The following TSG101 variants were observed in gnomAD, a reference collection of about 807,000 sequenced individuals.
The protein encoded by TSG101 is tumor susceptibility gene 101 protein.
TSG101 carries 19 observed loss-of-function variants against 48.5 expected under a neutral mutation model. The observed-to-expected ratio is 0.39, with a 90% confidence interval of 0.27 to 0.58. The LOEUF (loss-of-function observed/expected upper bound fraction) is 0.58, where lower values mean the gene tolerates loss of function less well. Ranked by LOEUF, TSG101 falls within the 20% of genes least tolerant of loss-of-function variation. The pLI, the probability that TSG101 is intolerant of heterozygous loss-of-function variation, is 0.55. For synonymous variants in TSG101, 174 were observed against 169.4 expected (o/e 1.03, Z -0.21); for missense variants, 365 against 484.4 (o/e 0.75, Z 2.31).
chr11:18,510,700 A>G (rs982314578), intron 4 of TSG101, among the ~76,000 whole-genome samples: 1 of 152,144 alleles, frequency 6.6e-6, no homozygotes, highest in Non-Finnish European at 1.5e-5. Flanking sequence ...GGTCTATTCC[A>G]GTACTTTCCC....
chr11:18,518,037 A>G (rs143818714), intron 2 of TSG101, among the ~76,000 whole-genome samples: 1,888 of 152,336 alleles, frequency 0.012, 20 homozygotes, highest in Non-Finnish European at 0.019. Context: ...AAATGTATTT[A>G]TTCTTTTATA....
chr11:18,520,763 T>C (rs1049775122), intron 1 of TSG101, among the ~76,000 whole-genome samples: 9 of 152,194 alleles, frequency 5.9e-5, no homozygotes, highest in Admixed American at 2.0e-4. Flanking sequence ...CCAGGCGTGG[T>C]GGCTTACACT....
At chr11:18,482,570 T>C (rs1849557222) in intron 8 of TSG101, among the ~76,000 whole-genome samples, 1 of 152,256 alleles carries the variant, frequency 6.6e-6, no homozygotes, top group African/African-American at 2.4e-5. Context: ...ACTTCAATTA[T>C]GCTGATGCTT....
chr11:18,500,295 C>T (rs758190694), intron 7 of TSG101, among the ~76,000 whole-genome samples: 2 of 152,136 alleles, frequency 1.3e-5, no homozygotes, highest in Non-Finnish European at 2.9e-5. Context: ...TATGGGAGTA[C>T]AGGTATTCCT....
At chr11:18,526,662 C>G (rs998807660) in intron 1 of TSG101, 113 bp downstream of exon 1, 7 of 1,336,200 alleles carry the variant, frequency 5.2e-6, no homozygotes, top group Non-Finnish European at 7.1e-6. Flanking sequence ...AAGGACTGCA[C>G]CGGGGCTTCC....
At chr11:18,510,567 CAA>C (rs1436316177) in intron 4 of TSG101, among the ~76,000 whole-genome samples, 1 of 150,930 alleles carries the variant, frequency 6.6e-6, no homozygotes. Context: ...GATTTTCTCT[CAA>C]ATACCTATTG....
intron 4 of TSG101, among the ~76,000 whole-genome samples, chr11:18,512,912 G>A (rs547794149): frequency 6.6e-6 from 1 of 151,924 alleles, no homozygotes; most frequent in South Asian, 2.1e-4. Flanking sequence ...ATTTTTAGTA[G>A]AAATGGGATT....
intron 9 of TSG101, chr11:18,481,219 T>G (rs1360842965): frequency 1.1e-6 from 1 of 920,818 alleles, no homozygotes; most frequent in Non-Finnish European, 1.3e-6. Context: ...CCTGATACTT[T>G]GATGTGGGAA....
rs1209704343 is a variant in TSG101, at chr11:18,491,895, C to T, written c.641-7823G>A. The stretch of plus-strand genomic sequence containing the variant: ...CTCACTGAACATACAGATTAAAATA[C>T]GTCAGAGAGTGAGCTCTCTTTCACA... On this transcript the variant is annotated intron_variant, in intron 7 of 9. Transcript: ENST00000251968. Among the ~76,000 whole-genome samples the T allele has an allele frequency of 2.6e-5, 4 of 152,308 alleles. No homozygotes were observed. The South Asian group carries it at 6.2e-4, about 24-fold the overall frequency.
Position 18,480,507 on chromosome 11 carries a change from C to A in TSG101, c.*39G>T, listed in dbSNP as rs763471256. ...TACTGATAAAAGGAAGAGAAGAATACTTTAAGAAGAGCTCAACCTCCAGCT... is the reference window on the plus strand; with the variant it reads ...TACTGATAAAAGGAAGAGAAGAATAATTTAAGAAGAGCTCAACCTCCAGCT... On this transcript the variant is annotated 3_prime_UTR_variant, in exon 10 of 10. Transcript: ENST00000251968. 8 of 1,545,448 alleles carry A rather than the reference C, an allele frequency of 5.2e-6. No homozygotes were observed. Among genetic ancestry groups the A allele is most frequent in the African/African-American group, 1.4e-5 (1 of 73,474 alleles).
chr11:18,521,537 T>A (rs1177702690), intron 1 of TSG101, among the ~76,000 whole-genome samples: 3 of 151,138 alleles, frequency 2.0e-5, no homozygotes, highest in Admixed American at 6.6e-5. Flanking sequence ...CCTGGATAAT[T>A]TTTAAATTTT....
chr11:18,512,965 T>C (rs1352383005), intron 4 of TSG101, among the ~76,000 whole-genome samples: 1 of 151,954 alleles, frequency 6.6e-6, no homozygotes, highest in African/African-American at 2.4e-5. Context: ...TGGCCTCAAG[T>C]GATCCTCCCG....
chr11:18,492,636 G>A (rs964201225), intron 7 of TSG101, among the ~76,000 whole-genome samples: 3 of 151,904 alleles, frequency 2.0e-5, no homozygotes, highest in African/African-American at 7.3e-5. Context: ...GGCAGCAGTC[G>A]CTTGGCCTAT....
chr11:18,490,482 G>C (rs1849682431), intron 7 of TSG101: 1 of 505,854 alleles, frequency 2.0e-6, no homozygotes, highest in Non-Finnish European at 3.8e-6. Flanking sequence ...TGGATGTGTA[G>C]GCTGCATTTC....
chr11:18,507,613 G>A (rs1198102211), intron 5 of TSG101: 1 of 151,566 alleles, frequency 6.6e-6, no homozygotes, highest in East Asian at 1.9e-4. Context: ...TCAACATAGA[G>A]GAAGAAAAAG....
At chr11:18,525,247 G>C (rs137990012) in intron 1 of TSG101, among the ~76,000 whole-genome samples, 1 of 152,148 alleles carries the variant, frequency 6.6e-6, no homozygotes, top group Non-Finnish European at 1.5e-5. Context: ...TCAATTTAAA[G>C]ATCAAAAATG....
intron 7 of TSG101, among the ~76,000 whole-genome samples, chr11:18,495,128 CTTGT>C (rs1310577325): frequency 1.3e-5 from 2 of 152,112 alleles, no homozygotes; most frequent in Non-Finnish European, 2.9e-5. Context: ...GTTTCTGATC[CTTGT>C]TTATTTGATT....
At chr11:18,511,284 A>G (rs1033895499) in intron 4 of TSG101, 9 of 152,196 alleles carry the variant, frequency 5.9e-5, no homozygotes, top group Non-Finnish European at 1.3e-4. Context: ...ACTTCTTTTA[A>G]TACTCCTGAC....
intron 6 of TSG101, among the ~76,000 whole-genome samples, chr11:18,506,044 T>C (rs898259692): frequency 1.3e-5 from 2 of 152,148 alleles, no homozygotes. Flanking sequence ...CTCGAACTCC[T>C]GACCTCAGGA....
Sources: allele counts gnomAD v4.1 joint callset (sites outside exome capture counted in the v4.1 genomes callset), GRCh38; gene constraint gnomAD v4.1.1; transcripts MANE v1.5; gene names NCBI Gene and HGNC (gene_info 2026-07-23, HGNC 2026-07-21).